The following MAPK6 variants were observed in gnomAD, a reference collection of about 807,000 sequenced individuals.
MAPK6 encodes the protein ERK-3.
A neutral mutation model predicts 59.3 loss-of-function variants in MAPK6; 19 were observed. The ratio of observed to expected loss-of-function variants is 0.32; its 90% confidence interval spans 0.22 to 0.47. The LOEUF (loss-of-function observed/expected upper bound fraction) is 0.47, where lower values mean the gene tolerates loss of function less well. Among genes scored for constraint, MAPK6 ranks in the 20% least tolerant of loss-of-function variants. The pLI, the probability that MAPK6 is intolerant of heterozygous loss-of-function variation, is 1.00. For missense variants in MAPK6, 724 were observed against 847.9 expected, an observed-to-expected ratio of 0.85 and a Z score of 1.81; for synonymous variants, 316 against 290.3, an observed-to-expected ratio of 1.09 and a Z score of -0.90.
chr15:51,994,304 GC>G (rs1483960789), intron 2 of MAPK6, among the ~76,000 whole-genome samples: 1 of 152,114 alleles, frequency 6.6e-6, no homozygotes, highest in Non-Finnish European at 1.5e-5. Flanking sequence ...AGGAACCAGG[GC>G]CCCTTGGAGA....
intron 1 of MAPK6, among the ~76,000 whole-genome samples, chr15:51,977,680 G>A (rs929462802): frequency 2.0e-5 from 3 of 151,846 alleles, no homozygotes; most frequent in Non-Finnish European, 4.4e-5. Flanking sequence ...GGGATTACAG[G>A]CATGTGCCAC....
chr15:52,048,733 A>C (rs1391294056), intron 2 of MAPK6, among the ~76,000 whole-genome samples: 1 of 150,622 alleles, frequency 6.6e-6, no homozygotes, highest in African/African-American at 2.4e-5. Flanking sequence ...GTTTGAGACC[A>C]ACCTGCGCAG....
Position 51,973,976 on chromosome 15 carries a change from A to G in MAPK6, c.-880+2070A>G, listed in dbSNP as rs150096041. 7.1e-3 allele frequency among the ~76,000 whole-genome samples: 1,074 copies of G among 151,946 alleles called. 12 individuals carry two copies. Among genetic ancestry groups the G allele is most frequent in the African/African-American group, 0.025 (1,028 of 41,522 alleles). On this transcript the variant is annotated intron_variant, in intron 1 of 7. Coordinates refer to the MAPK6 transcript ENST00000691380. ...CTTGTTTTGGTTACACTTTATGCTG[A>G]CCATTGCTCTTCTACTCATTATCTT...
chr15:52,023,078 G>A (rs1490084685), intron 1 of MAPK6, among the ~76,000 whole-genome samples: 6 of 117,886 alleles, frequency 5.1e-5, no homozygotes, highest in African/African-American at 2.0e-4. Context: ...GTGCACTCCA[G>A]CCTGGGTGAC....
In MAPK6 at chr15:52,066,612, A is replaced by T. The variant is rs75737026; in HGVS notation, c.*1612A>T. Reference sequence around the variant, plus strand: ...GTTTTGTACAACACCAATTCTATTAATATCTGCCCACCTACCTTCTCAACA... The same window carrying T: ...GTTTTGTACAACACCAATTCTATTATTATCTGCCCACCTACCTTCTCAACA... On this transcript the variant is annotated 3_prime_UTR_variant, in exon 6 of 6. Coordinates refer to ENST00000261845, the MANE Select transcript of MAPK6 (RefSeq NM_002748.4). 1 of 17,392 alleles carries T rather than the reference A, an allele frequency of 5.7e-5. No individual in the cohort carries two copies. The highest frequency in any genetic ancestry group is 8.4e-4 in the Non-Finnish European group (1 of 1,196). 1.1% of individuals were successfully genotyped at this position (17,392 alleles called of 1,614,324 possible).
intron 4 of MAPK6, 144 bp downstream of exon 4, chr15:52,058,941 C>A: frequency 1.8e-6 from 1 of 553,434 alleles, no homozygotes; most frequent in Non-Finnish European, 2.8e-6. Context: ...AAAACTTCAA[C>A]TCTCATTTTC....
intron 3 of MAPK6, among the ~76,000 whole-genome samples, chr15:52,013,459 C>T (rs921981280): frequency 1.3e-5 from 2 of 152,012 alleles, no homozygotes; most frequent in African/African-American, 4.8e-5. Flanking sequence ...CATAGGGTAA[C>T]TTAACTGGAA....
intron 1 of MAPK6, among the ~76,000 whole-genome samples, chr15:52,034,711 T>G (rs951590971): frequency 6.6e-6 from 1 of 152,130 alleles, no homozygotes; most frequent in Non-Finnish European, 1.5e-5. Context: ...GTCTGTTTGT[T>G]TATTGAGATG....
At chr15:52,037,172 C>T (rs1227694760) in intron 1 of MAPK6, among the ~76,000 whole-genome samples, 1 of 152,078 alleles carries the variant, frequency 6.6e-6, no homozygotes, top group Non-Finnish European at 1.5e-5. Flanking sequence ...TGGTGTGTGC[C>T]TATAGTCCCA....
In MAPK6 at chr15:52,064,765, C is replaced by G. The variant is rs756415242; in HGVS notation, c.1931C>G (p.Thr644Ser). The G allele has an allele frequency of 3.1e-6, 5 of 1,611,806 alleles. No individual in the cohort carries two copies. In the South Asian group the frequency reaches 4.4e-5, roughly 14 times the overall value. ...AAAGAAGATACTGAAATGCTAGAAA[C>G]TGAGCCAGTAGAGGATGGGAAGCTT... ...SRKEDTEMLE[T>S]EPVEDGKLGE... Residue 644 changes from threonine (T) to serine (S), a missense_variant, in exon 6 of 6, where the codon ACT becomes AGT. Thr to Ser is a moderately conservative substitution (Grantham distance 58). This residue lies in a region of MAPK6 where 502 missense variants were observed against 507.6 expected (regional missense o/e 0.99). Coordinates refer to ENST00000261845, the MANE Select transcript of MAPK6 (RefSeq NM_002748.4).
intron 1 of MAPK6, among the ~76,000 whole-genome samples, chr15:51,976,582 T>G (rs931521561): frequency 2.0e-5 from 3 of 151,728 alleles, no homozygotes; most frequent in Non-Finnish European, 2.9e-5. Context: ...ATATGAAGAA[T>G]CTGGAATTAA....
chr15:51,983,545 C>T (rs1463888451), intron 2 of MAPK6, among the ~76,000 whole-genome samples: 1 of 151,830 alleles, frequency 6.6e-6, no homozygotes. Context: ...TGTGGTGGCT[C>T]TTGCTTGGAA....
intron 1 of MAPK6, among the ~76,000 whole-genome samples, chr15:52,043,919 G>A (rs1215466316): frequency 6.6e-6 from 1 of 151,656 alleles, no homozygotes; most frequent in African/African-American, 2.4e-5. Context: ...GGGACTACAG[G>A]CATGCGCCAC....
chr15:52,025,783 G>A (rs947174568), intron 1 of MAPK6, among the ~76,000 whole-genome samples: 4 of 151,640 alleles, frequency 2.6e-5, no homozygotes, highest in African/African-American at 7.3e-5. Context: ...GCAAGACTAC[G>A]TCTCAAAAAA....
intron 2 of MAPK6, among the ~76,000 whole-genome samples, chr15:51,985,197 G>T (rs2057187027): frequency 6.6e-6 from 1 of 152,014 alleles, no homozygotes; most frequent in Non-Finnish European, 1.5e-5. Context: ...TTTTTAATTA[G>T]CTGGGTGTGG....
intron 1 of MAPK6, among the ~76,000 whole-genome samples, chr15:52,021,133 A>T (rs1357635700): frequency 6.6e-6 from 1 of 152,106 alleles, no homozygotes; most frequent in Non-Finnish European, 1.5e-5. Context: ...ATTTTGTAAT[A>T]AAAAAATGCA....
chr15:52,062,747 A>C (rs928019157), intron 5 of MAPK6, among the ~76,000 whole-genome samples: 12 of 152,206 alleles, frequency 7.9e-5, no homozygotes, highest in African/African-American at 2.9e-4. Context: ...CCTGGGCGAC[A>C]GAGCAAGACT....
chr15:51,991,012 T>C (rs113047766), intron 2 of MAPK6, among the ~76,000 whole-genome samples: 16,998 of 151,706 alleles, frequency 0.11, 2,406 homozygotes, highest in African/African-American at 0.33. Flanking sequence ...CCTGTAATCC[T>C]AGCTACTCAG....
intron 1 of MAPK6, among the ~76,000 whole-genome samples, chr15:51,980,618 T>G (rs192615797): frequency 1.3e-5 from 2 of 150,342 alleles, no homozygotes; most frequent in Non-Finnish European, 3.0e-5. Context: ...TTAGACAGAG[T>G]CTTGCTCTGT....
Sources: allele counts gnomAD v4.1 joint callset (sites outside exome capture counted in the v4.1 genomes callset), GRCh38; gene constraint gnomAD v4.1.1; regional missense constraint gnomAD v4.1.1; transcripts MANE v1.5; gene names NCBI Gene and HGNC (gene_info 2026-07-23, HGNC 2026-07-21).